Variants in FHIT observed in about 807,000 individuals in gnomAD.
The protein encoded by FHIT is fragile histidine triad diadenosine triphosphatase, also known as bis(5'-adenosyl)-triphosphatase.
FHIT carries 19 observed loss-of-function variants against 17.9 expected under a neutral mutation model. That is an observed-to-expected ratio of 1.06 (90% CI 0.74 to 1.56). The LOEUF (loss-of-function observed/expected upper bound fraction) is 1.56, where lower values mean the gene tolerates loss of function less well. FHIT is among the 40% of genes most tolerant of loss of function. The pLI, the probability that FHIT is intolerant of heterozygous loss-of-function variation, is 0.00. For synonymous variants in FHIT, 81 were observed against 69.7 expected (o/e 1.16, Z -0.81); for missense variants, 248 against 189.2 (o/e 1.31, Z -1.82).
chr3:60,803,322 G>A (rs1553732884), intron 4 of FHIT, among the ~76,000 whole-genome samples: 1 of 152,176 alleles, frequency 6.6e-6, no homozygotes, highest in African/African-American at 2.4e-5. Flanking sequence ...GACAGTCACT[G>A]TGCATTAGTG....
intron 3 of FHIT, among the ~76,000 whole-genome samples, chr3:60,854,853 A>T (rs977824031): frequency 6.6e-6 from 1 of 152,162 alleles, no homozygotes; most frequent in East Asian, 1.9e-4. Flanking sequence ...ACAAAATCAG[A>T]TTTCTGTTAG....
intron 4 of FHIT, among the ~76,000 whole-genome samples, chr3:60,586,657 A>G (rs1361696889): frequency 6.6e-6 from 1 of 152,102 alleles, no homozygotes; most frequent in Non-Finnish European, 1.5e-5. Flanking sequence ...AATACTATGC[A>G]GCCATAAAAA....
intron 4 of FHIT, among the ~76,000 whole-genome samples, chr3:60,639,642 G>C (rs1553684862): frequency 1.3e-5 from 2 of 152,142 alleles, no homozygotes; most frequent in Non-Finnish European, 2.9e-5. Context: ...CTGCCAGAAT[G>C]TTAACATATC....
chr3:61,149,074 CTAAT>C (rs2037310210), intron 2 of FHIT, among the ~76,000 whole-genome samples: 1 of 152,166 alleles, frequency 6.6e-6, no homozygotes, highest in Non-Finnish European at 1.5e-5. Context: ...AGAAAGAAAA[CTAAT>C]TGATGAAACT....
intron 4 of FHIT, among the ~76,000 whole-genome samples, chr3:60,720,996 G>T (rs553750649): frequency 6.6e-6 from 1 of 152,160 alleles, no homozygotes; most frequent in African/African-American, 2.4e-5. Context: ...ATGGTAACAC[G>T]TGAAGATGAC....
intron 3 of FHIT, among the ~76,000 whole-genome samples, chr3:60,871,838 T>C (rs1031506548): frequency 6.6e-6 from 1 of 152,028 alleles, no homozygotes; most frequent in African/African-American, 2.4e-5. Flanking sequence ...TATTTATTTA[T>C]TTTTTGTAGA....
chr3:60,191,674 G>C (rs527834352), intron 5 of FHIT, among the ~76,000 whole-genome samples: 1 of 152,076 alleles, frequency 6.6e-6, no homozygotes, highest in East Asian at 1.9e-4. Flanking sequence ...GGGAAAGTGA[G>C]GACATTGAAA....
At position 60,014,107 on chromosome 3, in the gene FHIT, A is replaced by AG; in HGVS notation, c.148dup (p.Leu50ProfsTer4). ...CAAATCGGCCACTTCATCAGGACGC[A>AG]GGTCATGGAAGCGCTCCACTGGCCG... On this transcript the variant is annotated frameshift_variant, in exon 6 of 10. Transcript: ENST00000492590. LOFTEE classifies it high-confidence loss of function. 5.6e-6 allele frequency: 9 copies of AG among 1,614,106 alleles called. No homozygotes were observed. Among genetic ancestry groups the AG allele is most frequent in the Non-Finnish European group, 5.9e-6 (7 of 1,179,980 alleles).
intron 5 of FHIT, among the ~76,000 whole-genome samples, chr3:60,198,840 G>C (rs1702764259): frequency 6.6e-6 from 1 of 152,142 alleles, no homozygotes; most frequent in African/African-American, 2.4e-5. Flanking sequence ...CCAGTGTAAA[G>C]GTAACGAATT....
intron 5 of FHIT, among the ~76,000 whole-genome samples, chr3:60,289,010 G>A (rs970565060): frequency 6.6e-6 from 1 of 152,104 alleles, no homozygotes; most frequent in Non-Finnish European, 1.5e-5. Flanking sequence ...TCTACTCAGA[G>A]GTTAGTGTAA....
chr3:59,967,983 C>G (rs558533220), intron 7 of FHIT, among the ~76,000 whole-genome samples: 5 of 152,074 alleles, frequency 3.3e-5, no homozygotes, highest in Non-Finnish European at 7.4e-5. Context: ...CTCACAATAC[C>G]TTTGCGAAGC....
chr3:60,836,444 T>A (rs1702543671), intron 3 of FHIT, among the ~76,000 whole-genome samples: 1 of 152,212 alleles, frequency 6.6e-6, no homozygotes, highest in Admixed American at 6.5e-5. Context: ...TTAATTCAAT[T>A]TTTAATAGTT....
chr3:60,748,765 T>C (rs782159543), intron 4 of FHIT, among the ~76,000 whole-genome samples: 2 of 152,264 alleles, frequency 1.3e-5, no homozygotes, highest in Middle Eastern at 3.4e-3. Context: ...TGAGCCTAGA[T>C]TGAGCCACTG....
intron 5 of FHIT, among the ~76,000 whole-genome samples, chr3:60,489,154 ATTT>A (rs1347309852): frequency 6.7e-6 from 1 of 148,998 alleles, no homozygotes. Context: ...TACTATTATT[ATTT>A]CTCTCTATAA....
At chr3:59,931,678 G>C (rs1416819209) in intron 7 of FHIT, among the ~76,000 whole-genome samples, 1 of 152,082 alleles carries the variant, frequency 6.6e-6, no homozygotes, top group East Asian at 1.9e-4. Context: ...AAAAAATTCA[G>C]TTTAAACAAA....
At chr3:60,631,514 A>G (rs1338111398) in intron 4 of FHIT, among the ~76,000 whole-genome samples, 5 of 152,198 alleles carry the variant, frequency 3.3e-5, no homozygotes, top group African/African-American at 1.2e-4. Flanking sequence ...TTAATCTGTC[A>G]TCAACCTAAT....
chr3:60,474,520 AATTT>A (rs1379751268), intron 5 of FHIT, among the ~76,000 whole-genome samples: 1 of 152,176 alleles, frequency 6.6e-6, no homozygotes, highest in Non-Finnish European at 1.5e-5. Context: ...GCAGTTTTTG[AATTT>A]ATTAATAATT....
At chr3:60,919,398 A>G (rs1010775721) in intron 3 of FHIT, among the ~76,000 whole-genome samples, 12 of 131,110 alleles carry the variant, frequency 9.2e-5, no homozygotes, top group Admixed American at 7.5e-4. Context: ...TCACAACCAC[A>G]GTTTTTTTTT....
intron 8 of FHIT, among the ~76,000 whole-genome samples, chr3:59,839,634 C>CA: frequency 6.6e-6 from 1 of 152,278 alleles, no homozygotes; most frequent in South Asian, 2.1e-4. Context: ...CCTGAGCAGG[C>CA]AGCCATGGCT....
Sources: gnomAD v4.1 joint callset for allele counts (sites outside exome capture counted in the v4.1 genomes callset) on GRCh38, gnomAD v4.1.1 for gene constraint, MANE v1.5 for transcripts, NCBI Gene and HGNC (gene_info 2026-07-23, HGNC 2026-07-21) for gene names.